CYP46A1: variants seen among roughly 807,000 people sequenced by gnomAD.
CYP46A1 encodes the protein cytochrome P450 family 46 subfamily A member 1.
CYP46A1 carries 20 observed loss-of-function variants against 63.3 expected under a neutral mutation model. The observed-to-expected ratio is 0.32, with a 90% confidence interval of 0.22 to 0.46. The LOEUF is 0.46. Among genes scored for constraint, CYP46A1 ranks in the 20% least tolerant of loss-of-function variants. CYP46A1 has a pLI of 1.00. For missense variants in CYP46A1, 445 were observed against 670.8 expected (o/e 0.66, Z 3.72); for synonymous variants, 268 against 273.6 (o/e 0.98, Z 0.20).
At chr14:99,716,228 C>G (rs376815461) in intron 9 of CYP46A1, 29 bp downstream of exon 9, 1 of 1,612,222 alleles carries the variant, frequency 6.2e-7, no homozygotes, top group African/African-American at 1.3e-5. Context: ...GGCCAAGGGC[C>G]CGGAGCTCTG....
At position 99,721,328 on chromosome 14, in the gene CYP46A1, G is replaced by C. The variant is rs1332249691; in HGVS notation, c.1065+5G>C. ...AGACTGCAGTACCTGTCCCAGGTGT[G>C]GGAAGTAGGAGGGAAGCTTCTGGGC... On this transcript the variant is annotated splice_donor_5th_base_variant and intron_variant, in intron 11 of 14. Transcript: ENST00000261835. The C allele has an allele frequency of 6.3e-7, 1 of 1,598,226 alleles. No individual in the cohort carries two copies. The highest frequency in any genetic ancestry group is 1.7e-5 in the Admixed American group (1 of 60,004).
At chr14:99,694,786 C>T (rs938048322) in intron 3 of CYP46A1, among the ~76,000 whole-genome samples, 2 of 152,188 alleles carry the variant, frequency 1.3e-5, no homozygotes, top group Non-Finnish European at 2.9e-5. Flanking sequence ...CAGGCGTGAG[C>T]CACCACCCCC....
chr14:99,726,274 G>T lies in CYP46A1; in HGVS notation c.1332+18G>T. On this transcript the variant is annotated intron_variant, in intron 14 of 14. Transcript: ENST00000261835. Reference sequence around the variant, plus strand: ...TTGCTCAGGTAGGAGGGGCAGGGCTGTGGTTCTGCCCAGGAGTAGCTGCAG... The same window carrying T: ...TTGCTCAGGTAGGAGGGGCAGGGCTTTGGTTCTGCCCAGGAGTAGCTGCAG... 1.2e-6 allele frequency: 2 copies of T among 1,611,624 alleles called. No homozygotes were observed. Among genetic ancestry groups the T allele is most frequent in the Non-Finnish European group, 1.7e-6 (2 of 1,179,068 alleles).
chr14:99,727,298 T>C lies in CYP46A1; in HGVS notation c.*571T>C, dbSNP rs1306133767. On this transcript the variant is annotated 3_prime_UTR_variant, in exon 15 of 15. Coordinates refer to ENST00000261835, the MANE Select transcript of CYP46A1 (RefSeq NM_006668.2). ...CGATGCTCAATAAATGTGTGTTGAC[T>C]GCATGAATGACCTGGAACCAGGCCA... The C allele has an allele frequency of 6.5e-6, 1 of 152,848 alleles. No homozygotes were observed. The highest frequency in any genetic ancestry group is 1.9e-4 in the East Asian group (1 of 5,196). 9.5% of individuals were successfully genotyped at this position (152,848 alleles called of 1,614,324 possible).
At chr14:99,726,278 T>C (rs1299142482) in intron 14 of CYP46A1, 22 bp downstream of exon 14, 5 of 1,610,530 alleles carry the variant, frequency 3.1e-6, no homozygotes, top group Non-Finnish European at 4.2e-6. Flanking sequence ...AGGGCTGTGG[T>C]TCTGCCCAGG....
chr14:99,713,943 G>A (rs2056763538), intron 7 of CYP46A1, among the ~76,000 whole-genome samples: 1 of 149,042 alleles, frequency 6.7e-6, no homozygotes. Context: ...GTTCCGCACA[G>A]CAAAAGAAAC....
At chr14:99,702,903 T>G (rs1413396288) in intron 5 of CYP46A1, among the ~76,000 whole-genome samples, 1 of 152,244 alleles carries the variant, frequency 6.6e-6, no homozygotes, top group Non-Finnish European at 1.5e-5. Context: ...GTAGCTGTTT[T>G]CTTTGTCTAA....
intron 5 of CYP46A1, among the ~76,000 whole-genome samples, chr14:99,702,496 ACT>A (rs1235530289): frequency 6.6e-6 from 1 of 152,114 alleles, no homozygotes; most frequent in Non-Finnish European, 1.5e-5. Flanking sequence ...TCACATGGTA[ACT>A]CTATTTTAAC....
At position 99,725,173 on chromosome 14, in the gene CYP46A1, C is replaced by T. The variant is rs1237334544; in HGVS notation, c.1177-218C>T. ...GAGCCCAGCACAGGATGACGCAGTA[C>T]GCCCAGCTGGCACAGTCAACTGTCC... On this transcript the variant is annotated intron_variant, in intron 12 of 14. Coordinates refer to ENST00000261835, the MANE Select transcript of CYP46A1 (RefSeq NM_006668.2). This position sits in a 1 kb window ranked among gnomAD's most constrained non-coding sequence, Gnocchi z 4.2. 2.6e-5 allele frequency among the ~76,000 whole-genome samples: 4 copies of T among 152,158 alleles called. No individual in the cohort carries two copies. The highest frequency in any genetic ancestry group is 2.1e-4 in the South Asian group (1 of 4,824).
At chr14:99,690,857 GA>G (rs1175377342) in intron 1 of CYP46A1, among the ~76,000 whole-genome samples, 1 of 151,714 alleles carries the variant, frequency 6.6e-6, no homozygotes, top group Non-Finnish European at 1.5e-5. Flanking sequence ...AGGGAGACAG[GA>G]AAAAAAACTG....
At position 99,715,934 on chromosome 14, in the gene CYP46A1, C is replaced by T. The variant is rs749407644; in HGVS notation, c.818C>T (p.Ala273Val). The part of the protein sequence containing the change: ...EALKRGEEVP[A>V]DILTQILKAE... ...CTGAAGAGGGGCGAGGAGGTTCCTGCCGACATCCTCACACAGATTCTGAAA... is the reference window on the plus strand; with the variant it reads ...CTGAAGAGGGGCGAGGAGGTTCCTGTCGACATCCTCACACAGATTCTGAAA... The change falls in exon 8 of 15, where the codon GCC becomes GTC. Residue 273 changes from alanine to valine, a missense_variant. By Grantham distance (64) the Ala-to-Val change is moderately conservative. Transcript: ENST00000261835. 5 of 1,611,228 alleles carry T rather than the reference C, an allele frequency of 3.1e-6. No individual in the cohort carries two copies. The highest frequency in any genetic ancestry group is 4.2e-6 in the Non-Finnish European group (5 of 1,178,762).
At chr14:99,714,087 A>T (rs1202337385) in intron 7 of CYP46A1, among the ~76,000 whole-genome samples, 2 of 152,212 alleles carry the variant, frequency 1.3e-5, no homozygotes, top group Non-Finnish European at 2.9e-5. Flanking sequence ...ATCTGAATAG[A>T]CATTTCTCAA....
intron 5 of CYP46A1, among the ~76,000 whole-genome samples, chr14:99,701,060 A>G (rs1595190741): frequency 6.6e-6 from 1 of 152,380 alleles, no homozygotes; most frequent in South Asian, 2.1e-4. Flanking sequence ...AAGGATACAA[A>G]TAAGATAATA....
Position 99,727,138 on chromosome 14 carries a change from A to C in CYP46A1, c.*411A>C. 1.1e-5 allele frequency: 2 copies of C among 185,548 alleles called. No homozygotes were observed. The highest frequency in any genetic ancestry group is 1.1e-5 in the Non-Finnish European group (1 of 89,790). The allele number at this position is 185,548 out of a possible 1,614,324, so 11.5% of individuals were successfully genotyped here. A position where few individuals can be genotyped will look rare whatever the true frequency, so the allele number is the denominator to read the frequency against. On this transcript the variant is annotated 3_prime_UTR_variant, in exon 15 of 15. Coordinates refer to ENST00000261835, the MANE Select transcript of CYP46A1 (RefSeq NM_006668.2). ...GGTCACCTGTGCTACCTCTAACACC[A>C]CACTGACCACACTGTATCGTGAGTG...
chr14:99,726,061 T>A (rs2056893470), intron 13 of CYP46A1, 129 bp from the exon 14 acceptor site: 1 of 789,126 alleles, frequency 1.3e-6, no homozygotes, highest in African/African-American at 1.7e-5. Context: ...ATGCTTTGCA[T>A]GCAAAGTGCC....
Position 99,700,956 on chromosome 14 carries a change from T to A in CYP46A1, c.443+855T>A, listed in dbSNP as rs574178325. ...GCAGTGATATTGATGATCCTGACCC[T>A]GTGTAGGCCTAGGCTAATGTGTGTG... On this transcript the variant is annotated intron_variant, in intron 5 of 14. Transcript: ENST00000261835. Among the ~76,000 whole-genome samples the A allele has an allele frequency of 2.0e-3, 297 of 152,302 alleles. 1 individual carries two copies. The highest frequency in any genetic ancestry group is 3.1e-3 in the Non-Finnish European group (214 of 68,018).
chr14:99,721,805 T>A, intron 11 of CYP46A1, 151 bp from the exon 12 acceptor site: 1 of 575,850 alleles, frequency 1.7e-6, no homozygotes, highest in Non-Finnish European at 3.1e-6. Context: ...ACGGTGAGGC[T>A]GATGTCCCAG....
chr14:99,726,183 C>A lies in CYP46A1; in HGVS notation c.1266-7C>A, dbSNP rs770929410. On this transcript the variant is annotated splice_polypyrimidine_tract_variant and splice_region_variant and intron_variant, in intron 13 of 14. Coordinates refer to ENST00000261835, the MANE Select transcript of CYP46A1 (RefSeq NM_006668.2). Reference sequence around the variant, plus strand: ...GCTGGCCTCGTGATTCCTCTCTTTCCCTGCAGGCCACGGTTCACCTACTTC... The same window carrying A: ...GCTGGCCTCGTGATTCCTCTCTTTCACTGCAGGCCACGGTTCACCTACTTC... The A allele has an allele frequency of 6.2e-7, 1 of 1,613,722 alleles. No individual in the cohort carries two copies. The highest frequency in any genetic ancestry group is 1.3e-5 in the African/African-American group (1 of 74,884).
intron 1 of CYP46A1, 111 bp from the exon 2 acceptor site, chr14:99,690,970 A>G (rs2056538269): frequency 9.8e-7 from 1 of 1,017,856 alleles, no homozygotes; most frequent in Non-Finnish European, 1.5e-6. Flanking sequence ...TAACCTCCCC[A>G]TGCCTCGGTC....
Sources: allele counts gnomAD v4.1 joint callset (sites outside exome capture counted in the v4.1 genomes callset), GRCh38; gene constraint gnomAD v4.1.1; non-coding constraint Gnocchi (gnomAD v3.1); transcripts MANE v1.5; gene names NCBI Gene and HGNC (gene_info 2026-07-23, HGNC 2026-07-21).